ZNF695: variants seen among roughly 807,000 people sequenced by gnomAD.
ZNF695 encodes zinc finger protein 695.
ZNF695 carries 11 observed loss-of-function variants against 11.2 expected under a neutral mutation model. The observed-to-expected ratio is 0.98, with a 90% confidence interval of 0.62 to 1.62. The LOEUF is 1.62. Among genes scored for constraint, ZNF695 ranks in the 40% most tolerant of loss-of-function variants. The probability of loss-of-function intolerance (pLI) is 0.00; values close to 1 mark genes in which losing one functional copy is unlikely to be tolerated. For missense variants in ZNF695, 559 were observed against 590.5 expected, an observed-to-expected ratio of 0.95 and a Z score of 0.55; for synonymous variants, 190 against 201.4, an observed-to-expected ratio of 0.94 and a Z score of 0.48.
chr1:247,007,427 C>A (rs1572540163), intron 1 of ZNF695, among the ~76,000 whole-genome samples: 1 of 135,614 alleles, frequency 7.4e-6, no homozygotes, highest in East Asian at 2.2e-4. Context: ...ACCTGGGAGG[C>A]AGAGGTTGCG....
intron 1 of ZNF695, among the ~76,000 whole-genome samples, chr1:247,006,339 G>T (rs138451516): frequency 6.7e-6 from 1 of 149,792 alleles, no homozygotes; most frequent in African/African-American, 2.5e-5. Flanking sequence ...TAAGCCGGGC[G>T]CGGTGGTTCA....
chr1:246,950,087 C>T (rs1017569389), intron 5 of ZNF695, among the ~76,000 whole-genome samples: 19 of 152,044 alleles, frequency 1.2e-4, no homozygotes, highest in African/African-American at 4.3e-4. Flanking sequence ...TACTGAAAGC[C>T]AAAGGAGGTC....
chr1:246,967,650 C>T (rs1378738551), intron 5 of ZNF695: 1 of 358,858 alleles, frequency 2.8e-6, no homozygotes, highest in African/African-American at 2.1e-5. Context: ...AAAGAACCAC[C>T]TGAGACTGGG....
At chr1:246,979,794 T>TA (rs1233659556) in intron 4 of ZNF695, 4 of 152,726 alleles carry the variant, frequency 2.6e-5, no homozygotes, top group Non-Finnish European at 4.4e-5. Context: ...TTAATCTTTC[T>TA]AAAAAAATTA....
At chr1:247,007,118 C>A (rs1386560889) in intron 1 of ZNF695, among the ~76,000 whole-genome samples, 1 of 152,134 alleles carries the variant, frequency 6.6e-6, no homozygotes, top group East Asian at 1.9e-4. Flanking sequence ...AAGTTTAGCC[C>A]CAAACCAGGG....
chr1:246,979,790 T>A (rs7516037), intron 4 of ZNF695: 80,750 of 152,518 alleles, frequency 0.53, 25,434 homozygotes, highest in East Asian at 0.97. Flanking sequence ...CTGTTTAATC[T>A]TTCTAAAAAA....
rs142757800 is a variant in ZNF695 at position 246,947,630 on chromosome 1, A to AT, written c.489-1804dup. ...TTGTTTCTGGGACACTGTGAGTGGT[A>AT]TATCGGGCGTTTCCATGCATCTCAA... On this transcript the variant is annotated intron_variant, in intron 5 of 5. Coordinates refer to the ZNF695 transcript ENST00000487338. Among the ~76,000 whole-genome samples, 72 of 151,138 alleles carry AT rather than the reference A, an allele frequency of 4.8e-4. 1 individual carries two copies. The East Asian group carries it at 9.4e-3, about 20-fold the overall frequency.
At chr1:246,975,798 C>T (rs1668542791) in intron 4 of ZNF695, among the ~76,000 whole-genome samples, 1 of 151,832 alleles carries the variant, frequency 6.6e-6, no homozygotes, top group Non-Finnish European at 1.5e-5. Flanking sequence ...GGGAATTAAG[C>T]CAAGTGAAAG....
chr1:247,005,784 A>G (rs912735649), intron 1 of ZNF695, among the ~76,000 whole-genome samples: 1 of 152,254 alleles, frequency 6.6e-6, no homozygotes, highest in Non-Finnish European at 1.5e-5. Flanking sequence ...AAAGACGTAA[A>G]TCTAAGACCT....
At chr1:246,966,668 AC>A (rs1206361534) in intron 5 of ZNF695, among the ~76,000 whole-genome samples, 2 of 152,060 alleles carry the variant, frequency 1.3e-5, no homozygotes, top group African/African-American at 4.8e-5. Context: ...TTCTTGTAGT[AC>A]TAGCTACCCA....
intron 5 of ZNF695, among the ~76,000 whole-genome samples, chr1:246,954,825 A>G (rs1050465341): frequency 2.0e-5 from 3 of 152,200 alleles, no homozygotes; most frequent in Non-Finnish European, 2.9e-5. Context: ...AAAATTTAAT[A>G]CAGTCATACA....
chr1:246,990,000 T>TGAAAGGGA (rs1291935137), intron 3 of ZNF695, among the ~76,000 whole-genome samples: 1 of 96,272 alleles, frequency 1.0e-5, no homozygotes, highest in Non-Finnish European at 2.1e-5. Context: ...GACCCCATCT[T>TGAAAGGGA]GAAAGGGAGA....
intron 5 of ZNF695, among the ~76,000 whole-genome samples, chr1:246,957,431 C>G (rs1045840941): frequency 6.6e-6 from 1 of 151,658 alleles, no homozygotes; most frequent in East Asian, 1.9e-4. Context: ...GAAACCACAG[C>G]AGAAAATCGT....
intron 3 of ZNF695, among the ~76,000 whole-genome samples, chr1:246,990,636 G>A (rs1003012363): frequency 1.3e-5 from 2 of 152,178 alleles, no homozygotes; most frequent in African/African-American, 2.4e-5. Flanking sequence ...GTTGCAGAAC[G>A]TTTCATGCAA....
chr1:246,987,007 T>C lies in ZNF695; in HGVS notation c.1508A>G (p.His503Arg), dbSNP rs1435717382. The C allele has an allele frequency of 6.2e-7, 1 of 1,603,500 alleles. No homozygotes were observed. Among genetic ancestry groups the C allele is most frequent in the Non-Finnish European group, 8.5e-7 (1 of 1,176,320 alleles). Reference protein sequence around the residue: ...KCEECGKAFNHSAQLAVHEKT... With the variant: ...KCEECGKAFNRSAQLAVHEKT... ...CTCATGTACAGCAAGTTGTGCAGAGTGGTTAAAGGCTTTGCCACATTCCTC... is the reference window on the plus strand; with the variant it reads ...CTCATGTACAGCAAGTTGTGCAGAGCGGTTAAAGGCTTTGCCACATTCCTC... Residue 503 changes from histidine (H) to arginine (R), a missense_variant, in exon 4 of 4, where the codon CAC becomes CGC. By Grantham distance (29) the His-to-Arg change is conservative (BLOSUM62 0). Transcript: ENST00000339986.
At chr1:246,947,358 G>C (rs1487412320) in intron 5 of ZNF695, among the ~76,000 whole-genome samples, 1 of 151,836 alleles carries the variant, frequency 6.6e-6, no homozygotes, top group Non-Finnish European at 1.5e-5. Flanking sequence ...TGAGAAGCCG[G>C]GACTATTGGC....
chr1:246,992,585 G>A (rs1362610923), intron 3 of ZNF695, among the ~76,000 whole-genome samples: 1 of 152,170 alleles, frequency 6.6e-6, no homozygotes, highest in African/African-American at 2.4e-5. Flanking sequence ...AAATGCTTGA[G>A]GGAATGGACA....
intron 3 of ZNF695, among the ~76,000 whole-genome samples, chr1:246,989,659 A>G (rs1668967712): frequency 6.6e-6 from 1 of 152,232 alleles, no homozygotes; most frequent in Non-Finnish European, 1.5e-5. Context: ...TAAATTATCC[A>G]TTCAAAAGAA....
chr1:246,957,085 T>C (rs1430539276), intron 5 of ZNF695, among the ~76,000 whole-genome samples: 2 of 152,148 alleles, frequency 1.3e-5, no homozygotes, highest in African/African-American at 4.8e-5. Flanking sequence ...AGTTTTTAAT[T>C]AAAAATTGGG....
Sources: gnomAD v4.1 joint callset for allele counts (sites outside exome capture counted in the v4.1 genomes callset) on GRCh38, gnomAD v4.1.1 for gene constraint, MANE v1.5 for transcripts, NCBI Gene and HGNC (gene_info 2026-07-23, HGNC 2026-07-21) for gene names.